Variants in C1orf94 observed in about 807,000 individuals in gnomAD.
The protein encoded by C1orf94 is uncharacterized protein C1orf94.
Under a neutral mutation model 53.6 loss-of-function variants are expected in C1orf94, and 45 were observed. That is an observed-to-expected ratio of 0.84 (90% CI 0.66 to 1.08). The LOEUF (loss-of-function observed/expected upper bound fraction) is 1.08. Among genes scored for constraint, C1orf94 ranks in the 50% least tolerant of loss-of-function variants. C1orf94 has a pLI of 0.00. For missense variants in C1orf94, 762 were observed against 738.9 expected, an observed-to-expected ratio of 1.03 and a Z score of -0.36; for synonymous variants, 304 against 296.1, an observed-to-expected ratio of 1.03 and a Z score of -0.27.
At chr1:34,200,449 G>A (rs1642683573) in intron 2 of C1orf94, among the ~76,000 whole-genome samples, 1 of 152,184 alleles carries the variant, frequency 6.6e-6, no homozygotes, top group African/African-American at 2.4e-5. Context: ...GGAAGATAAA[G>A]ATGGATAGTC....
At chr1:34,190,248 C>T (rs913726527) in intron 1 of C1orf94, among the ~76,000 whole-genome samples, 2 of 152,170 alleles carry the variant, frequency 1.3e-5, no homozygotes, top group Non-Finnish European at 2.9e-5. Context: ...CTAGATTATC[C>T]TGGGAGAAAT....
chr1:34,208,073 C>T (rs935601267), intron 4 of C1orf94, 84 bp from the exon 5 acceptor site: 3 of 1,374,034 alleles, frequency 2.2e-6, no homozygotes, highest in Non-Finnish European at 2.0e-6. Flanking sequence ...AAACTCAGTC[C>T]TGTCTGGGAA....
intron 1 of C1orf94, among the ~76,000 whole-genome samples, chr1:34,189,673 A>G (rs1350997833): frequency 6.6e-6 from 1 of 152,216 alleles, no homozygotes; most frequent in Non-Finnish European, 1.5e-5. Context: ...GCCACTGCTT[A>G]CATGATAAGG....
intron 4 of C1orf94, among the ~76,000 whole-genome samples, chr1:34,207,370 A>G (rs1286425213): frequency 6.6e-6 from 1 of 152,034 alleles, no homozygotes; most frequent in Non-Finnish European, 1.5e-5. Context: ...TCAATTTCCC[A>G]TCTGGCTGAA....
chr1:34,195,486 G>C (rs1205540572), intron 1 of C1orf94, among the ~76,000 whole-genome samples: 1 of 152,124 alleles, frequency 6.6e-6, no homozygotes, highest in Non-Finnish European at 1.5e-5. Flanking sequence ...CCATGTGGGG[G>C]TAGAGAGGCT....
intron 1 of C1orf94, among the ~76,000 whole-genome samples, chr1:34,181,523 A>G (rs1202207608): frequency 1.3e-5 from 2 of 152,254 alleles, no homozygotes; most frequent in Non-Finnish European, 2.9e-5. Flanking sequence ...TTTATTAAAC[A>G]TCTACTATAT....
chr1:34,170,518 G>A (rs773308426), intron 1 of C1orf94, among the ~76,000 whole-genome samples: 2 of 152,040 alleles, frequency 1.3e-5, no homozygotes, highest in African/African-American at 4.8e-5. Context: ...ACCAAGGAAG[G>A]GTGTGGGGTG....
intron 1 of C1orf94, among the ~76,000 whole-genome samples, chr1:34,183,474 C>A (rs969590133): frequency 6.6e-6 from 1 of 152,210 alleles, no homozygotes; most frequent in Non-Finnish European, 1.5e-5. Context: ...CCCAGGGACA[C>A]AGAGATAAGC....
intron 6 of C1orf94, among the ~76,000 whole-genome samples, chr1:34,215,873 G>A (rs1044469139): frequency 2.6e-5 from 4 of 152,096 alleles, no homozygotes; most frequent in Non-Finnish European, 4.4e-5. Flanking sequence ...GGGCATAATC[G>A]TGGGTGCCTA....
At chr1:34,190,197 A>G (rs1243643393) in intron 1 of C1orf94, among the ~76,000 whole-genome samples, 1 of 152,122 alleles carries the variant, frequency 6.6e-6, no homozygotes, top group Non-Finnish European at 1.5e-5. Flanking sequence ...CAAACTCCTC[A>G]AAAATACTGG....
chr1:34,187,587 T>TAA (rs796478428), intron 1 of C1orf94, among the ~76,000 whole-genome samples: 3 of 143,018 alleles, frequency 2.1e-5, no homozygotes, highest in African/African-American at 7.7e-5. Flanking sequence ...CAAGTCACAT[T>TAA]AAAAAAAAAA....
rs1043804215 is a variant in C1orf94, at chr1:34,177,890, C to T, written c.101C>T (p.Ser34Leu). 27 of 1,551,666 alleles carry T rather than the reference C, an allele frequency of 1.7e-5. No homozygotes were observed. The highest frequency in any genetic ancestry group is 2.3e-5 in the Non-Finnish European group (26 of 1,146,948). Residue 34 changes from serine (S) to leucine (L), a missense_variant, in exon 1 of 7, where the codon TCG (serine) becomes TTG (leucine). Physicochemically the swap from Ser to Leu is moderately radical, Grantham distance 145 (BLOSUM62 -2). Transcript: ENST00000488417. ...AGCGGGAATGGGCTTCCTTCATCCTCGGCCCTGGTGGCCAAGGGCCCCTGC... is the reference window on the plus strand; with the variant it reads ...AGCGGGAATGGGCTTCCTTCATCCTTGGCCCTGGTGGCCAAGGGCCCCTGC... ...MASGNGLPSSSALVAKGPCAL... is the reference protein window; with the variant it reads ...MASGNGLPSSLALVAKGPCAL...
At chr1:34,206,802 C>T (rs1376497212) in intron 4 of C1orf94, among the ~76,000 whole-genome samples, 2 of 152,128 alleles carry the variant, frequency 1.3e-5, no homozygotes, top group Non-Finnish European at 2.9e-5. Flanking sequence ...AGAGGCTGCC[C>T]TGGGCTGTAG....
chr1:34,183,780 C>G (rs1177250250), intron 1 of C1orf94, among the ~76,000 whole-genome samples: 1 of 151,422 alleles, frequency 6.6e-6, no homozygotes, highest in Non-Finnish European at 1.5e-5. Context: ...TGATTGAACC[C>G]AGGAGGCAGA....
intron 5 of C1orf94, among the ~76,000 whole-genome samples, chr1:34,209,493 C>G (rs1010755326): frequency 6.6e-6 from 1 of 152,118 alleles, no homozygotes; most frequent in Non-Finnish European, 1.5e-5. Flanking sequence ...GGCACCAACA[C>G]CCAGCCTGCC....
chr1:34,194,776 A>G (rs1290034382), intron 1 of C1orf94, among the ~76,000 whole-genome samples: 1 of 152,200 alleles, frequency 6.6e-6, no homozygotes, highest in Non-Finnish European at 1.5e-5. Flanking sequence ...CCACAATACC[A>G]TTATCACAAT....
chr1:34,193,647 C>G (rs1206906109), intron 1 of C1orf94, among the ~76,000 whole-genome samples: 1 of 152,198 alleles, frequency 6.6e-6, no homozygotes, highest in Non-Finnish European at 1.5e-5. Flanking sequence ...AGGCCCTTAG[C>G]CTTTCAGGGT....
At position 34,168,532 on chromosome 1, in the gene C1orf94, T is replaced by C. The variant is rs193006513; in HGVS notation, c.-251+1361T>C. Among the ~76,000 whole-genome samples the C allele has an allele frequency of 3.2e-4, 49 of 152,176 alleles. 1 individual carries two copies. The highest frequency in any genetic ancestry group is 1.2e-3 in the African/African-American group (48 of 41,498). On this transcript the variant is annotated intron_variant, in intron 1 of 6. Coordinates refer to the C1orf94 transcript ENST00000373374. ...AGCCAGTGAGAAATAGAAGGTGTAT[T>C]AATTTGCTAGGACTGCTGCCACAAC...
At chr1:34,175,997 A>C (rs935551392), upstream of C1orf94, among the ~76,000 whole-genome samples, 4 of 151,956 alleles carry the variant, frequency 2.6e-5, no homozygotes, top group Non-Finnish European at 5.9e-5. Flanking sequence ...TTGCTGCTTT[A>C]CTCGCTTGGC....
Sources: gnomAD v4.1 joint callset for allele counts (sites outside exome capture counted in the v4.1 genomes callset) on GRCh38, gnomAD v4.1.1 for gene constraint, MANE v1.5 for transcripts, NCBI Gene and HGNC (gene_info 2026-07-23, HGNC 2026-07-21) for gene names.